The following DMD variants were observed in gnomAD, a reference collection of about 807,000 sequenced individuals.
DMD encodes the protein dystrophin.
A neutral mutation model predicts 330.1 loss-of-function variants in DMD; 63 were observed. That is an observed-to-expected ratio of 0.19 (90% CI 0.16 to 0.24). The LOEUF is 0.24. Ranked by LOEUF, DMD falls within the 10% of genes least tolerant of loss-of-function variation. The probability of loss-of-function intolerance (pLI) is 1.00; values close to 1 mark genes in which losing one functional copy is unlikely to be tolerated. For missense variants in DMD, 3,344 were observed against 2,684.1 expected (o/e 1.25, Z -5.43); for synonymous variants, 1,223 against 959.8 (o/e 1.27, Z -5.07).
chrX:31,507,534 C>A, intron 55 of DMD, 81 bp from the exon 56 acceptor site: 2 of 931,118 alleles, frequency 2.1e-6, no homozygotes, highest in Non-Finnish European at 3.0e-6. Context: ...TGGAGAATTG[C>A]AAAATATAAA....
intron 5 of DMD, among the ~76,000 whole-genome samples, chrX:32,822,871 G>T (rs1209214002): frequency 9.0e-6 from 1 of 110,792 alleles, no homozygotes; most frequent in African/African-American, 3.3e-5. Flanking sequence ...TATTGATAGA[G>T]ATACCCATAT....
intron 74 of DMD, among the ~76,000 whole-genome samples, chrX:31,168,027 C>A (rs968240701): frequency 2.7e-5 from 3 of 112,044 alleles, no homozygotes; most frequent in Non-Finnish European, 5.6e-5. Context: ...AGGGATCTAG[C>A]AGGGCTCCAT....
chrX:31,775,958 T>C (rs2090631478), intron 50 of DMD, among the ~76,000 whole-genome samples: 1 of 112,296 alleles, frequency 8.9e-6, no homozygotes, highest in South Asian at 3.7e-4. Context: ...TGAAAGGCAG[T>C]AACAGTGAGG....
intron 1 of DMD, among the ~76,000 whole-genome samples, chrX:33,063,053 CTA>C (rs1161216396): frequency 8.9e-6 from 1 of 111,928 alleles, no homozygotes; most frequent in African/African-American, 3.2e-5. Flanking sequence ...GTGTAAATTT[CTA>C]CTTAATAGAA....
intron 56 of DMD, among the ~76,000 whole-genome samples, chrX:31,503,085 G>T (rs778025967): frequency 8.9e-6 from 1 of 111,974 alleles, no homozygotes; most frequent in African/African-American, 3.2e-5. Context: ...CATGTGGAAT[G>T]ATAGCATATA....
intron 1 of DMD, among the ~76,000 whole-genome samples, chrX:33,203,052 TG>T (rs1357302223): frequency 8.9e-6 from 1 of 111,994 alleles, no homozygotes; most frequent in African/African-American, 3.2e-5. Flanking sequence ...ATTGTGATTC[TG>T]GCTTTATTTA....
intron 63 of DMD, among the ~76,000 whole-genome samples, chrX:31,239,988 T>C (rs1266358274): frequency 8.9e-6 from 1 of 112,056 alleles, no homozygotes; most frequent in Non-Finnish European, 1.9e-5. Context: ...TAATTTCCCA[T>C]TTGAATAATG....
Position 31,212,158 on chromosome X carries a change from A to ATGTG in DMD, c.9362-2460_9362-2459insCACA, listed in dbSNP as rs1463232645. 1.2e-3 allele frequency among the ~76,000 whole-genome samples: 91 copies of ATGTG among 78,112 alleles called. 1 individual carries two copies. Among genetic ancestry groups the ATGTG allele is most frequent in the African/African-American group, 4.4e-3 (89 of 20,205 alleles). The allele number at this position is 78,112 out of a possible 115,157, so 67.8% of individuals were successfully genotyped here. On this transcript the variant is annotated intron_variant, in intron 64 of 78. Coordinates refer to ENST00000357033, the MANE Select transcript of DMD (RefSeq NM_004006.3). ...TCCATTAAATATATTATATATATAT[A>ATGTG]TATATATATGTGTGTGTGTATGTGT... is the stretch of plus-strand genomic sequence containing the variant.
At position 33,148,955 on chromosome X, in the gene DMD, A is replaced by G. The variant is rs368743021; in HGVS notation, c.31+62327T>C. ...TTGGGTGGGTTCTGTGGCTGCTCTA[A>G]TAGAATGCAGTAGAATAGTGGTCCC... is the stretch of plus-strand genomic sequence containing the variant. On this transcript the variant is annotated intron_variant, in intron 1 of 78. Coordinates refer to ENST00000357033, the MANE Select transcript of DMD (RefSeq NM_004006.3). Among the ~76,000 whole-genome samples, 30 of 110,652 alleles carry G rather than the reference A, an allele frequency of 2.7e-4. 1 individual carries two copies. The East Asian group carries it at 7.2e-3, about 27-fold the overall frequency.
chrX:33,272,127 G>T (rs910910715), intron 1 of DMD, among the ~76,000 whole-genome samples: 2 of 111,886 alleles, frequency 1.8e-5, no homozygotes, highest in African/African-American at 3.3e-5. Context: ...CAGGTGATCC[G>T]CCTGCCTCAG....
At chrX:31,708,746 C>G (rs2084387138) in intron 52 of DMD, among the ~76,000 whole-genome samples, 1 of 111,906 alleles carries the variant, frequency 8.9e-6, no homozygotes, top group Admixed American at 9.5e-5. Context: ...TTATTAATCA[C>G]TTTCCAGTGA....
At chrX:32,732,519 C>T (rs1292513832) in intron 7 of DMD, among the ~76,000 whole-genome samples, 2 of 111,118 alleles carry the variant, frequency 1.8e-5, no homozygotes, top group South Asian at 7.7e-4. Context: ...AGAGAAAGGT[C>T]GGGTTACCCT....
chrX:32,672,711 A>G (rs2061705845), intron 9 of DMD, among the ~76,000 whole-genome samples: 1 of 110,930 alleles, frequency 9.0e-6, no homozygotes, highest in South Asian at 3.7e-4. Flanking sequence ...TGAGAAAAAA[A>G]GTACTTATTT....
intron 16 of DMD, among the ~76,000 whole-genome samples, chrX:32,553,157 G>C (rs1184909642): frequency 8.9e-6 from 1 of 111,818 alleles, no homozygotes; most frequent in Admixed American, 9.5e-5. Flanking sequence ...CAAACACATG[G>C]AATCAGCCTA....
At chrX:32,365,240 A>G (rs2147262152) in intron 34 of DMD, 41 bp from the exon 35 acceptor site, 1 of 1,180,660 alleles carries the variant, frequency 8.5e-7, no homozygotes, top group African/African-American at 1.8e-5. Context: ...AATGTCTTGT[A>G]GTCTTAAGAT....
At chrX:31,265,517 C>T (rs1281632154) in intron 62 of DMD, among the ~76,000 whole-genome samples, 2 of 110,804 alleles carry the variant, frequency 1.8e-5, no homozygotes, top group Admixed American at 9.6e-5. Context: ...AGTTGTCCTC[C>T]GTTTTATTTG....
chrX:33,324,404 T>A (rs750519389), intron 1 of DMD, among the ~76,000 whole-genome samples: 1 of 112,106 alleles, frequency 8.9e-6, no homozygotes, highest in African/African-American at 3.2e-5. Flanking sequence ...ATCATTATAA[T>A]TAAATAATGG....
At chrX:31,388,603 T>A (rs73617081) in intron 60 of DMD, among the ~76,000 whole-genome samples, 75 of 111,608 alleles carry the variant, frequency 6.7e-4, no homozygotes, top group African/African-American at 2.4e-3. Context: ...AAAGTGAAAG[T>A]CAAAATGGTT....
intron 4 of DMD, among the ~76,000 whole-genome samples, chrX:32,834,225 A>G (rs1222881047): frequency 9.0e-6 from 1 of 111,423 alleles, no homozygotes; most frequent in Non-Finnish European, 1.9e-5. Context: ...TAAAGTGCAA[A>G]TATTTTACAG....
Sources: gnomAD v4.1 joint callset for allele counts (sites outside exome capture counted in the v4.1 genomes callset) on GRCh38, gnomAD v4.1.1 for gene constraint, MANE v1.5 for transcripts, NCBI Gene and HGNC (gene_info 2026-07-23, HGNC 2026-07-21) for gene names.